Variants in FRMD4A observed in about 807,000 individuals in gnomAD.
FRMD4A encodes the protein FERM domain-containing protein 4A.
In FRMD4A, 29 loss-of-function variants were observed where a neutral mutation model predicts 129.1. That is an observed-to-expected ratio of 0.22 (90% CI 0.17 to 0.31). The LOEUF is 0.31. FRMD4A is among the 10% of genes least tolerant of loss of function. The probability of loss-of-function intolerance (pLI) is 1.00; values close to 1 mark genes in which losing one functional copy is unlikely to be tolerated. For synonymous variants in FRMD4A, 634 were observed against 571.6 expected (o/e 1.11, Z -1.56); for missense variants, 1,272 against 1,375.8 (o/e 0.92, Z 1.19).
chr10:14,308,570 C>A (rs1041336), intron 2 of FRMD4A, among the ~76,000 whole-genome samples: 7,124 of 152,078 alleles, frequency 0.047, 473 homozygotes, highest in African/African-American at 0.15. Context: ...TCAAAGATAT[C>A]CCCTCCTTCC....
At chr10:13,999,197 C>T (rs2095633201) in intron 2 of FRMD4A, among the ~76,000 whole-genome samples, 1 of 152,062 alleles carries the variant, frequency 6.6e-6, no homozygotes. Context: ...ATTATATAAC[C>T]ATGCTGCACG....
At chr10:14,099,761 C>T (rs1288737039) in intron 2 of FRMD4A, among the ~76,000 whole-genome samples, 1 of 152,158 alleles carries the variant, frequency 6.6e-6, no homozygotes, top group Non-Finnish European at 1.5e-5. Context: ...GATTAAATAA[C>T]TTATAAAATG....
At chr10:14,085,235 C>T (rs976412905) in intron 2 of FRMD4A, among the ~76,000 whole-genome samples, 2 of 152,180 alleles carry the variant, frequency 1.3e-5, no homozygotes, top group African/African-American at 4.8e-5. Context: ...AGACGCACAA[C>T]TGACTCCTGA....
chr10:14,299,881 G>A (rs1056685038), intron 2 of FRMD4A, among the ~76,000 whole-genome samples: 2 of 152,170 alleles, frequency 1.3e-5, no homozygotes, highest in African/African-American at 4.8e-5. Context: ...CTGGGAGTGG[G>A]GAGGGGCTAG....
intron 24 of FRMD4A, chr10:13,649,469 G>C (rs1046850458): frequency 1.6e-5 from 2 of 127,544 alleles, no homozygotes; most frequent in African/African-American, 5.4e-5. Context: ...ATGCTGGATT[G>C]GTGGTTTGGT....
intron 2 of FRMD4A, among the ~76,000 whole-genome samples, chr10:14,198,795 G>A (rs545065793): frequency 1.3e-5 from 2 of 152,116 alleles, no homozygotes; most frequent in Non-Finnish European, 2.9e-5. Flanking sequence ...AGAACTGGCC[G>A]AGTTAAATTC....
intron 2 of FRMD4A, among the ~76,000 whole-genome samples, chr10:14,155,407 G>A (rs183712395): frequency 4.7e-4 from 71 of 152,222 alleles, no homozygotes; most frequent in Non-Finnish European, 3.8e-4. Flanking sequence ...CCCAGCACTG[G>A]GGGCAATAAA....
intron 2 of FRMD4A, among the ~76,000 whole-genome samples, chr10:14,210,327 C>G (rs751491116): frequency 6.6e-5 from 10 of 152,156 alleles, no homozygotes; most frequent in Non-Finnish European, 1.2e-4. Context: ...GGCACCAAAT[C>G]TGCTGGCGCC....
chr10:13,923,644 C>T (rs1026807877), intron 2 of FRMD4A, among the ~76,000 whole-genome samples: 3 of 152,114 alleles, frequency 2.0e-5, no homozygotes, highest in African/African-American at 7.2e-5. Context: ...ATGCCTCACA[C>T]CGAGTTCAAG....
At chr10:13,941,750 G>A (rs188025379) in intron 2 of FRMD4A, among the ~76,000 whole-genome samples, 1 of 152,020 alleles carries the variant, frequency 6.6e-6, no homozygotes, top group Non-Finnish European at 1.5e-5. Context: ...GCTAAACAAG[G>A]CTCCTAAAAA....
rs59290414 is a variant in FRMD4A at position 14,167,538 on chromosome 10, C to CAAA, written c.45+162517_45+162519dup. On this transcript the variant is annotated intron_variant, in intron 2 of 24. Coordinates refer to ENST00000357447, the MANE Select transcript of FRMD4A (RefSeq NM_018027.5). ...GGTGACAGAGCAAGACTCCGTCTCTCAAAAAAAAAAAAAAAAAAAAAAAAA... is the reference window on the plus strand; with the variant it reads ...GGTGACAGAGCAAGACTCCGTCTCTCAAAAAAAAAAAAAAAAAAAAAAAAAAAA... Among the ~76,000 whole-genome samples, 74 of 57,464 alleles carry CAAA rather than the reference C, an allele frequency of 1.3e-3. 1 individual carries two copies. Among genetic ancestry groups the CAAA allele is most frequent in the East Asian group, 2.2e-3 (4 of 1,782 alleles). 37.7% of individuals were successfully genotyped at this position (57,464 alleles called of 152,430 possible). A position where few individuals can be genotyped will look rare whatever the true frequency, so the allele number is the denominator to read the frequency against.
At chr10:13,757,348 T>C (rs2091907513) in intron 8 of FRMD4A, among the ~76,000 whole-genome samples, 7 of 152,250 alleles carry the variant, frequency 4.6e-5, no homozygotes, top group Admixed American at 4.6e-4. Flanking sequence ...ACAATAAAAG[T>C]GAAAAAATGT....
intron 2 of FRMD4A, among the ~76,000 whole-genome samples, chr10:14,162,344 C>A (rs1840934023): frequency 6.6e-6 from 1 of 152,224 alleles, no homozygotes; most frequent in African/African-American, 2.4e-5. Flanking sequence ...CTTATTTCGA[C>A]AATGTAGTTG....
chr10:14,015,837 C>G (rs2095697451), intron 2 of FRMD4A, among the ~76,000 whole-genome samples: 1 of 152,124 alleles, frequency 6.6e-6, no homozygotes, highest in Non-Finnish European at 1.5e-5. Flanking sequence ...TTAGTTAGTT[C>G]TCATGACACT....
At chr10:13,658,132 T>TA (rs565374030) in intron 21 of FRMD4A, among the ~76,000 whole-genome samples, 23,040 of 81,014 alleles carry the variant, frequency 0.28, 4,579 homozygotes, top group Non-Finnish European at 0.4. Context: ...CTGTCTCTCT[T>TA]AAAAAAAAAA....
chr10:13,685,608 G>C (rs913952500), intron 15 of FRMD4A: 1 of 983,602 alleles, frequency 1.0e-6, no homozygotes, highest in African/African-American at 1.7e-5. Context: ...GCAACAGAGG[G>C]CTGGCCCTAA....
rs565622019 is a variant in FRMD4A, at chr10:13,682,823, A to G, written c.1118-7779T>C. On this transcript the variant is annotated intron_variant, in intron 15 of 24. Transcript: ENST00000357447. ...GCGCCTGGCCTCCCATTTTCATAGAAAAGGTCACAGAGTCATAAGGAGGCT... is the reference window on the plus strand; with the variant it reads ...GCGCCTGGCCTCCCATTTTCATAGAGAAGGTCACAGAGTCATAAGGAGGCT... Among the ~76,000 whole-genome samples, 70 of 151,926 alleles carry G rather than the reference A, an allele frequency of 4.6e-4. 1 individual carries two copies. Among genetic ancestry groups the G allele is most frequent in the African/African-American group, 1.7e-3 (70 of 41,452 alleles).
At chr10:14,320,615 C>T (rs1469837763) in intron 2 of FRMD4A, among the ~76,000 whole-genome samples, 1 of 152,208 alleles carries the variant, frequency 6.6e-6, no homozygotes, top group Non-Finnish European at 1.5e-5. Flanking sequence ...AAATACCATA[C>T]CTTCCATGTA....
Position 13,656,876 on chromosome 10 carries a change from G to A in FRMD4A, c.2713C>T (p.Arg905Trp), listed in dbSNP as rs1442259063. 10 of 1,486,772 alleles carry A rather than the reference G, an allele frequency of 6.7e-6. No homozygotes were observed. Among genetic ancestry groups the A allele is most frequent in the East Asian group, 5.4e-5 (2 of 37,090 alleles). The allele number at this position is 1,486,772 out of a possible 1,614,324, so 92.1% of individuals were successfully genotyped here. Residue 905 changes from arginine to tryptophan, a missense_variant, in exon 22 of 25, where the codon CGG becomes TGG. Arg to Trp is a moderately radical substitution (Grantham distance 101). Transcript: ENST00000357447. ...CCCTCGCGGCCCAGCGACGGAGTCC[G>A]CAGGATCTGCGATCGCGACGGCGTC... is the stretch of plus-strand genomic sequence containing the variant. ...RLTPSRSQIL[R>W]TPSLGREGAH... is the part of the protein sequence containing the mutation.
Sources: allele counts gnomAD v4.1 joint callset (sites outside exome capture counted in the v4.1 genomes callset), GRCh38; gene constraint gnomAD v4.1.1; transcripts MANE v1.5; gene names NCBI Gene and HGNC (gene_info 2026-07-23, HGNC 2026-07-21).